ZBTB7C: variants seen among roughly 807,000 people sequenced by gnomAD.
The protein encoded by ZBTB7C is zinc finger and BTB domain containing 7C, also known as zinc finger and BTB domain-containing protein 7C.
ZBTB7C carries 8 observed loss-of-function variants against 25.7 expected under a neutral mutation model. The ratio of observed to expected loss-of-function variants is 0.31; its 90% CI spans 0.18 to 0.56. ZBTB7C has a LOEUF of 0.56. ZBTB7C is among the 20% of genes least tolerant of loss of function. ZBTB7C has a pLI of 0.91. For synonymous variants in ZBTB7C, 394 were observed against 369.0 expected, an observed-to-expected ratio of 1.07 and a Z score of -0.78; for missense variants, 824 against 855.2, an observed-to-expected ratio of 0.96 and a Z score of 0.46.
chr18:48,404,536 G>A (rs2048235468), intron 1 of ZBTB7C, among the ~76,000 whole-genome samples: 1 of 152,116 alleles, frequency 6.6e-6, no homozygotes, highest in African/African-American at 2.4e-5. Flanking sequence ...CTGTGACACT[G>A]GATTGTGCCA....
intron 3 of ZBTB7C, among the ~76,000 whole-genome samples, chr18:48,082,564 G>A (rs2038031051): frequency 1.3e-5 from 2 of 152,080 alleles, no homozygotes; most frequent in South Asian, 2.1e-4. Context: ...TGCTTGTGTC[G>A]AGGCACAAGT....
At chr18:48,302,053 T>C (rs1432090044) in intron 2 of ZBTB7C, among the ~76,000 whole-genome samples, 1 of 152,176 alleles carries the variant, frequency 6.6e-6, no homozygotes, top group Non-Finnish European at 1.5e-5. Flanking sequence ...AGCCCCACGA[T>C]GTCTGCAAAT....
At chr18:48,197,410 G>A (rs1031204894) in intron 2 of ZBTB7C, among the ~76,000 whole-genome samples, 75 of 152,278 alleles carry the variant, frequency 4.9e-4, no homozygotes, top group African/African-American at 1.8e-3. Flanking sequence ...AGCAGCCCCT[G>A]CTCCAGCCCT....
At chr18:48,319,698 C>T (rs1211020774) in intron 2 of ZBTB7C, among the ~76,000 whole-genome samples, 2 of 151,984 alleles carry the variant, frequency 1.3e-5, no homozygotes, top group African/African-American at 2.4e-5. Flanking sequence ...GTGGGAGGCC[C>T]GGGAATGTTT....
intron 3 of ZBTB7C, among the ~76,000 whole-genome samples, chr18:48,181,402 C>T (rs546922680): frequency 1.4e-4 from 21 of 152,326 alleles, no homozygotes; most frequent in East Asian, 9.6e-4. Context: ...AGCCTCCCCA[C>T]TCAGTGGACA....
intron 1 of ZBTB7C, among the ~76,000 whole-genome samples, chr18:48,352,248 G>A (rs764601133): frequency 1.9e-4 from 29 of 152,194 alleles, no homozygotes; most frequent in Non-Finnish European, 3.4e-4. Context: ...CTAAGCTCTT[G>A]GCACGTGTTT....
At chr18:48,298,043 G>T (rs987996492) in intron 2 of ZBTB7C, among the ~76,000 whole-genome samples, 4 of 152,166 alleles carry the variant, frequency 2.6e-5, no homozygotes, top group Non-Finnish European at 5.9e-5. Flanking sequence ...CATTTTGGGA[G>T]GCTGAGGCAG....
At chr18:48,347,505 C>T (rs1031684246) in intron 1 of ZBTB7C, among the ~76,000 whole-genome samples, 1 of 152,030 alleles carries the variant, frequency 6.6e-6, no homozygotes, top group Non-Finnish European at 1.5e-5. Flanking sequence ...CAGAGCAACA[C>T]GTGTGCACCC....
At chr18:48,125,238 T>C (rs1277950218) in intron 3 of ZBTB7C, among the ~76,000 whole-genome samples, 1 of 152,070 alleles carries the variant, frequency 6.6e-6, no homozygotes, top group Non-Finnish European at 1.5e-5. Flanking sequence ...AATTAGAAAG[T>C]GGGTGAACTG....
intron 1 of ZBTB7C, among the ~76,000 whole-genome samples, chr18:48,362,534 C>T (rs1284061970): frequency 1.3e-5 from 2 of 152,168 alleles, no homozygotes; most frequent in East Asian, 1.9e-4. Flanking sequence ...CACCAGACAC[C>T]CAATCTGCCT....
chr18:48,326,999 C>T (rs1008312963), intron 2 of ZBTB7C, among the ~76,000 whole-genome samples: 5 of 152,170 alleles, frequency 3.3e-5, no homozygotes, highest in Admixed American at 6.5e-5. Context: ...AAAATGGATG[C>T]AAATGGTGCC....
At chr18:48,381,087 G>T (rs1599001697) in intron 1 of ZBTB7C, among the ~76,000 whole-genome samples, 1 of 152,182 alleles carries the variant, frequency 6.6e-6, no homozygotes, top group Non-Finnish European at 1.5e-5. Context: ...CAAGGGTGAT[G>T]GTAGAATAAA....
rs1479516724 is a variant in ZBTB7C at position 48,286,249 on chromosome 18, TG to T, written c.-79+51924del. Among the ~76,000 whole-genome samples, 949 of 151,986 alleles carry T rather than the reference TG, an allele frequency of 6.2e-3. 8 individuals carry two copies. The highest frequency in any genetic ancestry group is 0.022 in the African/African-American group (903 of 41,394). On this transcript the variant is annotated intron_variant, in intron 2 of 4. Coordinates refer to ENST00000590800, the MANE Select transcript of ZBTB7C (RefSeq NM_001318841.2). ...AGAGGTGTGCGTGTGTGTGTGTGTG[TG>T]TGTGTGTGTGTGTGTGTATTAGTTC... is the stretch of plus-strand genomic sequence containing the variant.
intron 2 of ZBTB7C, chr18:48,252,612 C>G (rs930106362): frequency 6.6e-6 from 1 of 152,396 alleles, no homozygotes; most frequent in Admixed American, 6.5e-5. Flanking sequence ...GCACCTGCCC[C>G]CCTTTTGTTT....
At chr18:48,280,655 A>G (rs1273849494) in intron 2 of ZBTB7C, among the ~76,000 whole-genome samples, 1 of 152,076 alleles carries the variant, frequency 6.6e-6, no homozygotes, top group Non-Finnish European at 1.5e-5. Context: ...CATAAATCCT[A>G]GACACAAGGG....
intron 1 of ZBTB7C, among the ~76,000 whole-genome samples, chr18:48,395,875 A>T (rs1406217409): frequency 1.3e-5 from 2 of 152,316 alleles, no homozygotes; most frequent in East Asian, 3.9e-4. Context: ...GCAGGGTCTT[A>T]AAAATTGTAA....
intron 2 of ZBTB7C, among the ~76,000 whole-genome samples, chr18:48,283,146 A>T (rs1327719167): frequency 1.3e-5 from 2 of 152,216 alleles, no homozygotes; most frequent in Non-Finnish European, 2.9e-5. Context: ...ACCTTAAAAA[A>T]TTTCATATCC....
At chr18:48,124,114 A>C (rs931521205) in intron 3 of ZBTB7C, among the ~76,000 whole-genome samples, 1 of 152,242 alleles carries the variant, frequency 6.6e-6, no homozygotes. Flanking sequence ...CCAACTCTCC[A>C]GGCAGGCTGG....
intron 3 of ZBTB7C, chr18:48,148,232 C>T (rs753883942): frequency 4.0e-5 from 6 of 150,086 alleles, no homozygotes; most frequent in Non-Finnish European, 7.4e-5. Context: ...TGGTCTCGAA[C>T]GCCTGACCTC....
Sources: allele counts gnomAD v4.1 joint callset (sites outside exome capture counted in the v4.1 genomes callset), GRCh38; gene constraint gnomAD v4.1.1; transcripts MANE v1.5; gene names NCBI Gene and HGNC (gene_info 2026-07-23, HGNC 2026-07-21).